The following FGF13 variants were observed in gnomAD, a reference collection of about 807,000 sequenced individuals.
FGF13 encodes the protein fibroblast growth factor 13, also known as fibroblast growth factor homologous factor 2.
Under a neutral mutation model 19.5 loss-of-function variants are expected in FGF13, and 2 were observed. The observed-to-expected ratio is 0.10, with a 90% CI of 0.04 to 0.32. The LOEUF (loss-of-function observed/expected upper bound fraction) is 0.32, where lower values mean the gene tolerates loss of function less well. Among genes scored for constraint, FGF13 ranks in the 10% least tolerant of loss-of-function variants. The pLI is 1.00. For synonymous variants in FGF13, 72 were observed against 76.9 expected (o/e 0.94, Z 0.33); for missense variants, 113 against 192.7 (o/e 0.59, Z 2.45).
intron 3 of FGF13, among the ~76,000 whole-genome samples, chrX:138,773,975 C>A (rs767256756): frequency 9.0e-6 from 1 of 111,395 alleles, no homozygotes; most frequent in South Asian, 3.9e-4. Flanking sequence ...TTCTCCATAA[C>A]TTGATACAAG....
At chrX:138,891,999 C>CGTGTGTGT (rs1569419108) in intron 1 of FGF13, among the ~76,000 whole-genome samples, 2 of 39,944 alleles carry the variant, frequency 5.0e-5, no homozygotes, top group African/African-American at 3.4e-4. Flanking sequence ...TCTATATATA[C>CGTGTGTGT]ATATGTGTGT....
chrX:139,203,375 AAGCGCAGCGCGGGCGGCGCCAGGGCACC>A lies in FGF13; in HGVS notation c.-113+13_-113+40del, dbSNP rs1323482932. ...GGGGCTTGGCGAGGCTGCGCTGCCA[AAGCGCAGCGCGGGCGGCGCCAGGGCACC>A]AGGGTTGCTCACCTTTGCACGCGGC... On this transcript the variant is annotated intron_variant, in intron 1 of 2. Transcript: ENST00000421460. The A allele has an allele frequency of 2.7e-5, 3 of 110,057 alleles. No individual in the cohort carries two copies. The Admixed American group carries it at 2.8e-4, about 10-fold the overall frequency. 9.1% of individuals were successfully genotyped at this position (110,057 alleles called of 1,213,427 possible).
At chrX:138,871,265 T>A (rs2091355821) in intron 1 of FGF13, among the ~76,000 whole-genome samples, 2 of 112,285 alleles carry the variant, frequency 1.8e-5, no homozygotes, top group South Asian at 3.7e-4. Flanking sequence ...GTTTTTATTT[T>A]CCATTCCTTC....
At chrX:139,200,685 C>A (rs1182360096) in intron 1 of FGF13, among the ~76,000 whole-genome samples, 1 of 112,504 alleles carries the variant, frequency 8.9e-6, no homozygotes, top group Non-Finnish European at 1.9e-5. Context: ...ACACACCCAA[C>A]TCCAAACATG....
chrX:138,789,279 C>A (rs978939874), intron 3 of FGF13, among the ~76,000 whole-genome samples: 8 of 110,149 alleles, frequency 7.3e-5, no homozygotes, highest in Non-Finnish European at 1.5e-4. Context: ...AGCGATTCTG[C>A]TGCCTCAGCC....
intron 1 of FGF13, among the ~76,000 whole-genome samples, chrX:138,901,454 G>A (rs149372663): frequency 3.2e-4 from 36 of 111,547 alleles, no homozygotes; most frequent in African/African-American, 1.1e-3. Flanking sequence ...GGGCACAAGT[G>A]CCTGTGCAAG....
chrX:138,821,246 C>T (rs1184865153), intron 3 of FGF13, among the ~76,000 whole-genome samples: 1 of 111,422 alleles, frequency 9.0e-6, no homozygotes, highest in Non-Finnish European at 1.9e-5. Context: ...CTGCATTGTC[C>T]AAGATGGTGT....
intron 1 of FGF13, among the ~76,000 whole-genome samples, chrX:139,062,788 G>A (rs1306729365): frequency 1.8e-5 from 2 of 111,949 alleles, no homozygotes; most frequent in African/African-American, 3.2e-5. Flanking sequence ...TAAGAGGGGG[G>A]CACACAATCC....
At chrX:138,953,327 G>A (rs2091823938) in intron 1 of FGF13, among the ~76,000 whole-genome samples, 2 of 110,524 alleles carry the variant, frequency 1.8e-5, no homozygotes, top group South Asian at 8.0e-4. Flanking sequence ...CTATCGCAAG[G>A]ACAGAAAACC....
intron 1 of FGF13, among the ~76,000 whole-genome samples, chrX:139,020,636 G>C (rs2092174324): frequency 9.0e-6 from 1 of 111,502 alleles, no homozygotes; most frequent in Admixed American, 9.6e-5. Flanking sequence ...TTGCTATAAA[G>C]CTTTCCCCAA....
At chrX:139,172,423 G>A (rs1276549210) in intron 1 of FGF13, among the ~76,000 whole-genome samples, 4 of 111,105 alleles carry the variant, frequency 3.6e-5, no homozygotes, top group African/African-American at 1.3e-4. Flanking sequence ...TACTCACATT[G>A]GCTTACACTT....
intron 1 of FGF13, among the ~76,000 whole-genome samples, chrX:139,185,955 C>A (rs986918138): frequency 5.4e-5 from 6 of 111,545 alleles, no homozygotes; most frequent in African/African-American, 1.6e-4. Flanking sequence ...CATTATATCA[C>A]ACACAATCTA....
chrX:139,016,196 A>T (rs1409643385), intron 1 of FGF13, among the ~76,000 whole-genome samples: 2 of 112,022 alleles, frequency 1.8e-5, no homozygotes, highest in Non-Finnish European at 3.8e-5. Context: ...GTTTAGCTAA[A>T]CATTTTAGTC....
chrX:138,889,526 T>G (rs1245109025), intron 1 of FGF13, among the ~76,000 whole-genome samples: 2 of 111,698 alleles, frequency 1.8e-5, no homozygotes, highest in Non-Finnish European at 3.8e-5. Context: ...TAAAAACATC[T>G]CCTTAGAATC....
In FGF13 at chrX:138,707,149, G is replaced by A. The variant is rs1026690521; in HGVS notation, c.298+1669C>T. Among the ~76,000 whole-genome samples, 14 of 111,799 alleles carry A rather than the reference G, an allele frequency of 1.3e-4. 1 individual carries two copies. Among genetic ancestry groups the A allele is most frequent in the Admixed American group, 1.2e-3 (13 of 10,526 alleles). On this transcript the variant is annotated intron_variant, in intron 2 of 4. Transcript: ENST00000315930. The stretch of plus-strand genomic sequence containing the variant: ...TTAAAGCTCCACAGTAAGAAATGGA[G>A]CCTTGATATATGCGTGTGTGGTGTG...
intron 3 of FGF13, among the ~76,000 whole-genome samples, chrX:138,834,598 A>T (rs2091098319): frequency 9.1e-6 from 1 of 109,510 alleles, no homozygotes; most frequent in South Asian, 3.9e-4. Context: ...TCAAAAAAAA[A>T]ACAAAACAGC....
intron 3 of FGF13, among the ~76,000 whole-genome samples, chrX:138,837,390 G>A (rs1371263333): frequency 1.8e-5 from 2 of 111,541 alleles, no homozygotes; most frequent in East Asian, 2.9e-4. Context: ...GAGACCCCAG[G>A]TGCGAGGCTC....
intron 1 of FGF13, among the ~76,000 whole-genome samples, chrX:139,023,875 T>G (rs2092189417): frequency 9.0e-6 from 1 of 111,509 alleles, no homozygotes; most frequent in Non-Finnish European, 1.9e-5. Context: ...CTGGTGAGAT[T>G]TAATGTGATT....
intron 1 of FGF13, among the ~76,000 whole-genome samples, chrX:139,015,478 C>CA (rs200581326): frequency 0.012 from 1,260 of 109,226 alleles, 15 homozygotes; most frequent in African/African-American, 0.039. Flanking sequence ...ACAATAGCTA[C>CA]AAAAAAAACC....
Sources: gnomAD v4.1 joint callset for allele counts (sites outside exome capture counted in the v4.1 genomes callset) on GRCh38, gnomAD v4.1.1 for gene constraint, MANE v1.5 for transcripts, NCBI Gene and HGNC (gene_info 2026-07-23, HGNC 2026-07-21) for gene names.